The following ESRRG variants were observed in gnomAD, a reference collection of about 807,000 sequenced individuals.
ESRRG encodes estrogen-related receptor gamma.
ESRRG carries 13 observed loss-of-function variants against 44.0 expected under a neutral mutation model. That is an observed-to-expected ratio of 0.30 (90% CI 0.19 to 0.47). The LOEUF (loss-of-function observed/expected upper bound fraction) is 0.47, where lower values mean the gene tolerates loss of function less well. Among genes scored for constraint, ESRRG ranks in the 20% least tolerant of loss-of-function variants. The probability of loss-of-function intolerance (pLI) is 1.00; values close to 1 mark genes in which losing one functional copy is unlikely to be tolerated. For synonymous variants in ESRRG, 215 were observed against 214.6 expected (o/e 1.00, Z -0.02); for missense variants, 395 against 580.6 (o/e 0.68, Z 3.29).
intron 5 of ESRRG, among the ~76,000 whole-genome samples, chr1:216,539,580 T>G (rs1455936249): frequency 6.6e-6 from 1 of 152,036 alleles, no homozygotes; most frequent in African/African-American, 2.4e-5. Context: ...ATGCTGTCCT[T>G]CCTGTCCATT....
intron 1 of ESRRG, among the ~76,000 whole-genome samples, chr1:216,944,369 G>A (rs1317938259): frequency 1.3e-5 from 2 of 152,040 alleles, no homozygotes; most frequent in Non-Finnish European, 2.9e-5. Context: ...AACATGGAAA[G>A]TTAGAAAGGA....
intron 2 of ESRRG, among the ~76,000 whole-genome samples, chr1:216,842,936 A>G (rs2148890502): frequency 6.6e-6 from 1 of 152,294 alleles, no homozygotes; most frequent in East Asian, 1.9e-4. Flanking sequence ...GCTGGAATCC[A>G]CACTCAGACC....
intron 2 of ESRRG, among the ~76,000 whole-genome samples, chr1:216,830,523 T>C (rs566933494): frequency 6.6e-6 from 1 of 152,260 alleles, no homozygotes; most frequent in East Asian, 1.9e-4. Context: ...TGAGGAGTTA[T>C]GAGGTAATGA....
chr1:216,771,959 T>C (rs1038192950), intron 2 of ESRRG, among the ~76,000 whole-genome samples: 1 of 151,776 alleles, frequency 6.6e-6, no homozygotes, highest in Non-Finnish European at 1.5e-5. Context: ...TGACCTGAGG[T>C]GAACATTTAA....
At chr1:216,780,779 A>G (rs1409866630) in intron 2 of ESRRG, among the ~76,000 whole-genome samples, 1 of 152,038 alleles carries the variant, frequency 6.6e-6, no homozygotes, top group Non-Finnish European at 1.5e-5. Flanking sequence ...AAGGCAATGA[A>G]CAGAACCAAG....
chr1:216,587,791 G>A (rs919299082), intron 3 of ESRRG, among the ~76,000 whole-genome samples: 1 of 152,084 alleles, frequency 6.6e-6, no homozygotes, highest in Admixed American at 6.5e-5. Context: ...CTTAAAACAG[G>A]GAGAGCCTGC....
intron 1 of ESRRG, among the ~76,000 whole-genome samples, chr1:217,110,185 G>C (rs147250764): frequency 1.3e-5 from 2 of 152,238 alleles, no homozygotes; most frequent in Non-Finnish European, 2.9e-5. Flanking sequence ...TCATGCACAC[G>C]CCAAATATGG....
chr1:216,633,589 T>C (rs1473822299), intron 3 of ESRRG, among the ~76,000 whole-genome samples: 1 of 152,222 alleles, frequency 6.6e-6, no homozygotes, highest in East Asian at 1.9e-4. Context: ...GATACAGATG[T>C]AAATATTCTA....
chr1:216,915,892 G>A (rs983754962), intron 2 of ESRRG, among the ~76,000 whole-genome samples: 13 of 152,162 alleles, frequency 8.5e-5, no homozygotes, highest in Non-Finnish European at 1.3e-4. Context: ...TAGTACCCTC[G>A]TTGGCATGCA....
At chr1:216,675,630 G>A (rs1453577903) in intron 2 of ESRRG, among the ~76,000 whole-genome samples, 1 of 152,134 alleles carries the variant, frequency 6.6e-6, no homozygotes, top group Non-Finnish European at 1.5e-5. Flanking sequence ...GTCTAAATTT[G>A]AATTAGCATC....
intron 2 of ESRRG, among the ~76,000 whole-genome samples, chr1:216,933,227 T>A (rs750372700): frequency 6.6e-6 from 1 of 152,152 alleles, no homozygotes. Flanking sequence ...ATGCTAATTA[T>A]AATAAAAAAG....
At chr1:216,825,153 C>T (rs2148664411) in intron 2 of ESRRG, among the ~76,000 whole-genome samples, 1 of 152,242 alleles carries the variant, frequency 6.6e-6, no homozygotes, top group South Asian at 2.1e-4. Context: ...TCAAAGTATG[C>T]AGGAAATGCA....
chr1:216,919,595 A>G (rs2061586168), intron 2 of ESRRG, among the ~76,000 whole-genome samples: 1 of 152,218 alleles, frequency 6.6e-6, no homozygotes, highest in African/African-American at 2.4e-5. Context: ...TTCTTCTCTT[A>G]CAGAATTCAA....
intron 1 of ESRRG, among the ~76,000 whole-genome samples, chr1:216,947,917 C>A (rs1243217374): frequency 6.6e-6 from 1 of 152,060 alleles, no homozygotes; most frequent in African/African-American, 2.4e-5. Context: ...ATAAAACCCT[C>A]CCCCAAACAA....
chr1:216,651,075 T>C lies in ESRRG; in HGVS notation c.487A>G (p.Ser163Gly), dbSNP rs1194634049. 3.1e-6 allele frequency: 5 copies of C among 1,608,744 alleles called. No homozygotes were observed. Among genetic ancestry groups the C allele is most frequent in the Non-Finnish European group, 4.3e-6 (5 of 1,175,322 alleles). The change falls in exon 3 of 7, where the codon AGC becomes GGC. Residue 163 changes from serine to glycine, a missense_variant. Physicochemically the swap from Ser to Gly is moderately conservative, Grantham distance 56. This residue lies in a region of ESRRG where 35 missense variants were observed against 120.1 expected (regional missense o/e 0.29). Coordinates refer to ENST00000408911, the MANE Select transcript of ESRRG (RefSeq NM_001438.4). ...KRTIQGNIEY[S>G]CPATNECEIT... ...TCACATTCATTCGTGGCAGGGCAGC[T>C]GTATTCTATATTGCCTAAAACACAA...
chr1:216,867,156 T>G (rs536331952), intron 2 of ESRRG, among the ~76,000 whole-genome samples: 1 of 152,340 alleles, frequency 6.6e-6, no homozygotes, highest in African/African-American at 2.4e-5. Flanking sequence ...TAACTATCTT[T>G]GCATTATGCA....
intron 2 of ESRRG, among the ~76,000 whole-genome samples, chr1:216,927,103 C>T (rs1046433776): frequency 1.3e-5 from 2 of 152,178 alleles, no homozygotes; most frequent in Non-Finnish European, 1.5e-5. Flanking sequence ...CGAACCATAA[C>T]TCAAGAGTTC....
At chr1:216,684,844 T>C (rs2077634182) in intron 1 of ESRRG, among the ~76,000 whole-genome samples, 1 of 152,260 alleles carries the variant, frequency 6.6e-6, no homozygotes, top group Non-Finnish European at 1.5e-5. Context: ...ACTTCTGCCA[T>C]GTAATCAATA....
chr1:216,700,124 C>CTT (rs11464355), intron 1 of ESRRG, among the ~76,000 whole-genome samples: 28,372 of 147,096 alleles, frequency 0.19, 3,424 homozygotes, highest in Non-Finnish European at 0.27. Flanking sequence ...AGCCCCGCAC[C>CTT]TTTTTTTTTT....
Sources: allele counts gnomAD v4.1 joint callset (sites outside exome capture counted in the v4.1 genomes callset), GRCh38; gene constraint gnomAD v4.1.1; regional missense constraint gnomAD v4.1.1; transcripts MANE v1.5; gene names NCBI Gene and HGNC (gene_info 2026-07-23, HGNC 2026-07-21).